SGCZ: variants seen among roughly 807,000 people sequenced by gnomAD.
The protein encoded by SGCZ is zeta-sarcoglycan.
In SGCZ, 40 loss-of-function variants were observed where a neutral mutation model predicts 41.3. The observed-to-expected ratio is 0.97, with a 90% confidence interval of 0.75 to 1.26. The LOEUF (loss-of-function observed/expected upper bound fraction) is 1.26, where lower values mean the gene tolerates loss of function less well. SGCZ is among the 50% of genes most tolerant of loss of function. The pLI is 0.00. For synonymous variants in SGCZ, 206 were observed against 137.5 expected (o/e 1.50, Z -3.49); for missense variants, 552 against 369.8 (o/e 1.49, Z -4.04).
chr8:14,917,813 C>T (rs917247995), intron 1 of SGCZ, among the ~76,000 whole-genome samples: 26 of 152,156 alleles, frequency 1.7e-4, no homozygotes, highest in African/African-American at 5.8e-4. Flanking sequence ...TGTACCATAT[C>T]ACATGTGCCT....
rs1803195656 is a variant in SGCZ, at chr8:14,533,341, T to C, written c.234+21391A>G. ...TTTTGTATTAGCAACACTAAAAAAATTGGACCTTTTCTTATCAAATTAAAA... is the reference window on the plus strand; with the variant it reads ...TTTTGTATTAGCAACACTAAAAAAACTGGACCTTTTCTTATCAAATTAAAA... On this transcript the variant is annotated intron_variant, in intron 2 of 7. Coordinates refer to ENST00000382080, the MANE Select transcript of SGCZ (RefSeq NM_139167.4). Among the ~76,000 whole-genome samples the C allele has an allele frequency of 2.0e-5, 3 of 152,180 alleles. No individual in the cohort carries two copies. The South Asian group carries it at 6.2e-4, about 32-fold the overall frequency.
At chr8:14,663,921 G>A (rs1174661472) in intron 1 of SGCZ, among the ~76,000 whole-genome samples, 2 of 152,116 alleles carry the variant, frequency 1.3e-5, no homozygotes, top group African/African-American at 2.4e-5. Context: ...AGGGAAGGAT[G>A]GAACAAGTTA....
At chr8:14,212,899 T>C (rs1805864523) in intron 4 of SGCZ, among the ~76,000 whole-genome samples, 1 of 151,588 alleles carries the variant, frequency 6.6e-6, no homozygotes, top group Admixed American at 6.6e-5. Context: ...CTTATCAAAC[T>C]AAAAAAATAT....
At chr8:14,728,185 G>A (rs894600868) in intron 1 of SGCZ, among the ~76,000 whole-genome samples, 1 of 152,058 alleles carries the variant, frequency 6.6e-6, no homozygotes, top group African/African-American at 2.4e-5. Flanking sequence ...AAAATGCATC[G>A]AAGCAAACAC....
chr8:14,146,367 TA>T (rs796932441), intron 5 of SGCZ, among the ~76,000 whole-genome samples: 26 of 151,462 alleles, frequency 1.7e-4, no homozygotes, highest in African/African-American at 6.1e-4. Context: ...GAAGAAGAAA[TA>T]AAAACTTCCC....
At chr8:14,996,482 G>A (rs1195658877) in intron 1 of SGCZ, among the ~76,000 whole-genome samples, 1 of 152,002 alleles carries the variant, frequency 6.6e-6, no homozygotes, top group Non-Finnish European at 1.5e-5. Context: ...GCTTACCGCA[G>A]CCTTGAACTC....
rs976985113 is a variant in SGCZ, at chr8:14,443,856, A to C, written c.234+110876T>G. Among the ~76,000 whole-genome samples the C allele has an allele frequency of 4.7e-3, 713 of 151,854 alleles. 5 individuals are homozygous for C. Among genetic ancestry groups the C allele is most frequent in the African/African-American group, 0.016 (657 of 41,442 alleles). On this transcript the variant is annotated intron_variant, in intron 2 of 7. Transcript: ENST00000382080. ...AGCTTCTGCACAGCAAAAGAAACTA[A>C]CATCAGAGTGAACAGGCAACCTACA...
At chr8:14,393,070 G>A (rs535497311) in intron 2 of SGCZ, among the ~76,000 whole-genome samples, 12 of 152,126 alleles carry the variant, frequency 7.9e-5, no homozygotes, top group East Asian at 3.9e-4. Context: ...TGAAAGGCAC[G>A]TATAAAGAAG....
chr8:14,455,680 A>T lies in SGCZ; in HGVS notation c.234+99052T>A, dbSNP rs572933196. 2.2e-4 allele frequency among the ~76,000 whole-genome samples: 33 copies of T among 152,348 alleles called. No individual in the cohort carries two copies. The South Asian group carries it at 6.8e-3, about 32-fold the overall frequency. ...TCATTTGTGTTTTATTTGCAATCAC[A>T]AAATATTAGAGGCAATGCAAATGAC... On this transcript the variant is annotated intron_variant, in intron 2 of 7. Coordinates refer to ENST00000382080, the MANE Select transcript of SGCZ (RefSeq NM_139167.4).
intron 1 of SGCZ, among the ~76,000 whole-genome samples, chr8:14,557,689 C>T (rs1804075276): frequency 1.3e-5 from 2 of 151,948 alleles, no homozygotes; most frequent in Non-Finnish European, 2.9e-5. Context: ...GGTGTCCTTT[C>T]CCTACTTCGT....
chr8:15,153,656 C>T (rs1027929677), intron 1 of SGCZ, among the ~76,000 whole-genome samples: 1 of 152,056 alleles, frequency 6.6e-6, no homozygotes, highest in Admixed American at 6.5e-5. Flanking sequence ...GGCTATGGCA[C>T]TTTCCCCCCA....
intron 1 of SGCZ, among the ~76,000 whole-genome samples, chr8:14,928,818 T>C (rs1429189596): frequency 1.3e-5 from 2 of 152,152 alleles, no homozygotes; most frequent in African/African-American, 2.4e-5. Flanking sequence ...GCAATCTAAT[T>C]TAGTATGCAG....
At chr8:14,199,603 C>G (rs1018490683) in intron 4 of SGCZ, among the ~76,000 whole-genome samples, 6 of 152,100 alleles carry the variant, frequency 3.9e-5, no homozygotes, top group South Asian at 2.1e-4. Flanking sequence ...CATCACGGAA[C>G]CTGCTGACGT....
At chr8:14,884,151 A>G (rs964586185) in intron 1 of SGCZ, among the ~76,000 whole-genome samples, 5 of 152,150 alleles carry the variant, frequency 3.3e-5, no homozygotes, top group Admixed American at 2.6e-4. Context: ...CAGATTGAAT[A>G]AACAATCACA....
At chr8:14,910,669 TA>T (rs1274222638) in intron 1 of SGCZ, among the ~76,000 whole-genome samples, 1 of 151,878 alleles carries the variant, frequency 6.6e-6, no homozygotes, top group Non-Finnish European at 1.5e-5. Context: ...AAAGTAAAAA[TA>T]AAATGAGCTA....
chr8:14,520,858 T>G (rs1802767712), intron 2 of SGCZ, among the ~76,000 whole-genome samples: 1 of 152,128 alleles, frequency 6.6e-6, no homozygotes, highest in African/African-American at 2.4e-5. Context: ...ACAGTGCACA[T>G]TTTTAGGATG....
intron 1 of SGCZ, among the ~76,000 whole-genome samples, chr8:15,151,968 G>A (rs1038518430): frequency 9.9e-5 from 15 of 152,174 alleles, no homozygotes; most frequent in African/African-American, 2.4e-4. Context: ...ACGACCTGAC[G>A]TGATATTAAG....
At chr8:14,699,343 G>C (rs1006335691) in intron 1 of SGCZ, among the ~76,000 whole-genome samples, 5 of 151,396 alleles carry the variant, frequency 3.3e-5, no homozygotes, top group Non-Finnish European at 7.4e-5. Context: ...TCTTCAGCAA[G>C]TCAACAATCA....
At chr8:14,295,310 G>A (rs562278265) in intron 3 of SGCZ, among the ~76,000 whole-genome samples, 34 of 152,244 alleles carry the variant, frequency 2.2e-4, no homozygotes, top group Admixed American at 1.6e-3. Flanking sequence ...AGAACTCACT[G>A]TAGTAGCTGA....
Sources: allele counts gnomAD v4.1 joint callset (sites outside exome capture counted in the v4.1 genomes callset), GRCh38; gene constraint gnomAD v4.1.1; transcripts MANE v1.5; gene names NCBI Gene and HGNC (gene_info 2026-07-23, HGNC 2026-07-21).